The following DCAF1 variants were observed in gnomAD, a reference collection of about 807,000 sequenced individuals.
The protein encoded by DCAF1 is DDB1 and CUL4 associated factor 1, also known as DDB1- and CUL4-associated factor 1.
A neutral mutation model predicts 128.0 loss-of-function variants in DCAF1; 15 were observed. That is an observed-to-expected ratio of 0.12 (90% CI 0.08 to 0.18). DCAF1 has a LOEUF of 0.18. Ranked by LOEUF, DCAF1 falls within the 10% of genes least tolerant of loss-of-function variation. The pLI is 1.00. For missense variants in DCAF1, 988 were observed against 1,649.5 expected, an observed-to-expected ratio of 0.60 and a Z score of 6.95; for synonymous variants, 610 against 603.0, an observed-to-expected ratio of 1.01 and a Z score of -0.17.
intron 23 of DCAF1, among the ~76,000 whole-genome samples, chr3:51,411,947 C>T (rs371326646): frequency 6.6e-6 from 1 of 151,738 alleles, no homozygotes; most frequent in Non-Finnish European, 1.5e-5. Flanking sequence ...CCCGTCTCTA[C>T]TAAAAATACA....
intron 9 of DCAF1, chr3:51,437,492 T>C (rs1213020025): frequency 1.5e-5 from 6 of 411,272 alleles, no homozygotes; most frequent in Non-Finnish European, 2.4e-5. Context: ...TACTGAGAGA[T>C]GAGGTCATTA....
chr3:51,412,681 G>A (rs1559479840), intron 22 of DCAF1, among the ~76,000 whole-genome samples: 1 of 152,150 alleles, frequency 6.6e-6, no homozygotes, highest in Non-Finnish European at 1.5e-5. Context: ...ACTTGGTGAG[G>A]AACCATCACC....
In DCAF1 at chr3:51,471,011, A is replaced by C. The variant is rs782502586; in HGVS notation, c.111-6T>G. ...TTTCAATCAATTGAGACATCCTAGC[A>C]CAAAGGAAACAAGGGGTCAACTCTG... On this transcript the variant is annotated splice_region_variant and splice_polypyrimidine_tract_variant and intron_variant, in intron 3 of 24. Coordinates refer to ENST00000684031, the MANE Select transcript of DCAF1 (RefSeq NM_001387579.1). The C allele has an allele frequency of 2.5e-6, 4 of 1,595,724 alleles. No individual in the cohort carries two copies. The East Asian group carries it at 9.0e-5, about 36-fold the overall frequency.
At chr3:51,414,993 T>G in intron 18 of DCAF1, 136 bp from the exon 19 acceptor site, 1 of 1,348,534 alleles carries the variant, frequency 7.4e-7, no homozygotes, top group Non-Finnish European at 9.9e-7. Flanking sequence ...CACAGAATAC[T>G]GCCTCCCAAA....
At chr3:51,440,595 C>T (rs1701273510) in intron 9 of DCAF1, among the ~76,000 whole-genome samples, 1 of 144,516 alleles carries the variant, frequency 6.9e-6, no homozygotes, top group Non-Finnish European at 1.5e-5. Flanking sequence ...AGAGTGAGAC[C>T]TATCTCTAAA....
In DCAF1 at chr3:51,397,985, A is replaced by G. The variant is rs927007941; in HGVS notation, c.*784T>C. 1.8e-5 allele frequency: 3 copies of G among 165,882 alleles called. 1 individual carries two copies. The highest frequency in any genetic ancestry group is 7.2e-5 in the African/African-American group (3 of 41,566). 10.3% of individuals were successfully genotyped at this position (165,882 alleles called of 1,614,324 possible). On this transcript the variant is annotated 3_prime_UTR_variant, in exon 25 of 25. Coordinates refer to ENST00000684031, the MANE Select transcript of DCAF1 (RefSeq NM_001387579.1). ...TTTTGAAAAACTGAATCACAAAGAA[A>G]AATAGAGGGAGTGAACTTATATCCT...
At chr3:51,457,798 A>G (rs1377477030) in intron 6 of DCAF1, among the ~76,000 whole-genome samples, 15 of 152,220 alleles carry the variant, frequency 9.9e-5, no homozygotes, top group African/African-American at 3.6e-4. Flanking sequence ...CCAGAATCTC[A>G]TATCCAGCCA....
At chr3:51,502,343 G>A (rs1553664533), upstream of DCAF1, among the ~76,000 whole-genome samples, 1 of 152,036 alleles carries the variant, frequency 6.6e-6, no homozygotes, top group Non-Finnish European at 1.5e-5. Flanking sequence ...GACCAACCTG[G>A]GCAACATAGA....
At chr3:51,439,086 C>A (rs1368358733) in intron 9 of DCAF1, among the ~76,000 whole-genome samples, 1 of 152,104 alleles carries the variant, frequency 6.6e-6, no homozygotes, top group Non-Finnish European at 1.5e-5. Flanking sequence ...GACTTACTTG[C>A]CCTCCTATGT....
chr3:51,433,564 C>T (rs909103506), intron 9 of DCAF1, among the ~76,000 whole-genome samples: 4 of 151,444 alleles, frequency 2.6e-5, no homozygotes, highest in African/African-American at 7.3e-5. Context: ...CAGGTGCAAT[C>T]GATTCTCCTG....
chr3:51,408,386 C>T (rs1185600893), intron 23 of DCAF1, among the ~76,000 whole-genome samples: 1 of 152,164 alleles, frequency 6.6e-6, no homozygotes, highest in Non-Finnish European at 1.5e-5. Flanking sequence ...GTGCCTGTAT[C>T]CCTGAGCCAC....
intron 24 of DCAF1, among the ~76,000 whole-genome samples, chr3:51,399,266 C>T (rs2089466257): frequency 6.6e-6 from 1 of 152,222 alleles, no homozygotes; most frequent in African/African-American, 2.4e-5. Context: ...AGGCTAAGAC[C>T]AGGCAAAAGT....
At chr3:51,397,273 G>A (rs1305899814), downstream of DCAF1, 1 of 167,070 alleles carries the variant, frequency 6.0e-6, no homozygotes, top group African/African-American at 2.4e-5. Flanking sequence ...GAGTGAAAAG[G>A]TGGAAATCCC....
At position 51,398,820 on chromosome 3, in the gene DCAF1, G is replaced by A; in HGVS notation, c.4473C>T (p.Ser1491=). The change falls in exon 25 of 25, where the codon AGC becomes AGT. Residue 1491 remains serine (S), a synonymous_variant. Transcript: ENST00000684031. The part of the protein sequence containing the change: ...EVELILGDTD[S]SDNSDLEDDI... ...CATCTTCCAAATCAGAGTTGTCAGAGCTGTCAGCTGAAAGGGAAGAAAAGG... is the reference window on the plus strand; with the variant it reads ...CATCTTCCAAATCAGAGTTGTCAGAACTGTCAGCTGAAAGGGAAGAAAAGG... 6.3e-7 allele frequency: 1 copy of A among 1,585,320 alleles called. No individual in the cohort carries two copies. Among genetic ancestry groups the A allele is most frequent in the Non-Finnish European group, 8.6e-7 (1 of 1,164,822 alleles).
chr3:51,437,747 G>A (rs1388052687), intron 9 of DCAF1, among the ~76,000 whole-genome samples: 1 of 151,900 alleles, frequency 6.6e-6, no homozygotes, highest in African/African-American at 2.4e-5. Flanking sequence ...CCTGGGGGGT[G>A]GAGGTTGCAG....
At chr3:51,465,085 G>A (rs1553646011) in intron 5 of DCAF1, among the ~76,000 whole-genome samples, 1 of 152,222 alleles carries the variant, frequency 6.6e-6, no homozygotes, top group East Asian at 1.9e-4. Context: ...CAGTGAAGAT[G>A]TTATTTCAGT....
intron 1 of DCAF1, among the ~76,000 whole-genome samples, chr3:51,499,294 C>T (rs2108629445): frequency 6.6e-6 from 1 of 152,338 alleles, no homozygotes; most frequent in South Asian, 2.1e-4. Flanking sequence ...CCTCTCTTTC[C>T]AACCCTTCCC....
At chr3:51,425,656 G>A (rs534418603) in intron 13 of DCAF1, among the ~76,000 whole-genome samples, 1 of 137,446 alleles carries the variant, frequency 7.3e-6, no homozygotes, top group Non-Finnish European at 1.5e-5. Flanking sequence ...TCTACCTCCT[G>A]GGCTCAAGCA....
chr3:51,426,495 C>T (rs1285118582), intron 13 of DCAF1, among the ~76,000 whole-genome samples: 1 of 152,184 alleles, frequency 6.6e-6, no homozygotes, highest in African/African-American at 2.4e-5. Context: ...CAAGCATGAG[C>T]CACTGTGCCT....
Sources: gnomAD v4.1 joint callset for allele counts (sites outside exome capture counted in the v4.1 genomes callset) on GRCh38, gnomAD v4.1.1 for gene constraint, MANE v1.5 for transcripts, NCBI Gene and HGNC (gene_info 2026-07-23, HGNC 2026-07-21) for gene names.